Variants in GPR132 observed in about 807,000 individuals in gnomAD.
GPR132 encodes probable G protein-coupled receptor 132.
In GPR132, 4 loss-of-function variants were observed where a neutral mutation model predicts 1.9. The observed-to-expected ratio is 2.13, with a 90% CI of 1.05 to 4.87. The LOEUF is 4.87. GPR132 is among the 30% of genes most tolerant of loss of function. The pLI, the probability that GPR132 is intolerant of heterozygous loss-of-function variation, is 0.01. For synonymous variants in GPR132, 233 were observed against 234.2 expected, an observed-to-expected ratio of 0.99 and a Z score of 0.05; for missense variants, 404 against 512.5, an observed-to-expected ratio of 0.79 and a Z score of 2.04.
Position 105,049,776 on chromosome 14 carries a change from T to C in GPR132, c.*1218A>G, listed in dbSNP as rs1167908235. ...GCCCAGGCAACAGAGCAAGGCCCTG[T>C]CTCTAAAAAAATAAATATTAAAAAC... On this transcript the variant is annotated 3_prime_UTR_variant, in exon 4 of 4. Transcript: ENST00000329797. The C allele has an allele frequency of 6.6e-6, 1 of 152,104 alleles. No individual in the cohort carries two copies. The highest frequency in any genetic ancestry group is 1.5e-5 in the Non-Finnish European group (1 of 68,078). The allele number at this position is 152,104 out of a possible 1,614,324, so 9.4% of individuals were successfully genotyped here. A position where few individuals can be genotyped will look rare whatever the true frequency, so the allele number is the denominator to read the frequency against.
rs1342282899 is a variant in GPR132, at chr14:105,059,391, A to G, written c.-860-2111T>C. On this transcript the variant is annotated intron_variant, in intron 1 of 3. Coordinates refer to ENST00000329797, the MANE Select transcript of GPR132 (RefSeq NM_013345.4). This position sits in a 1 kb window ranked among gnomAD's most constrained non-coding sequence, Gnocchi z 4.2. ...GTTGACATCCCCAGCTGCCCTTTCA[A>G]GTATATTTCTGTGAAAGGAAAGTAT... 2.0e-5 allele frequency among the ~76,000 whole-genome samples: 3 copies of G among 152,172 alleles called. No individual in the cohort carries two copies. Among genetic ancestry groups the G allele is most frequent in the African/African-American group, 7.2e-5 (3 of 41,444 alleles).
chr14:105,052,614 AT>A (rs1033248752), intron 3 of GPR132, among the ~76,000 whole-genome samples: 3 of 151,080 alleles, frequency 2.0e-5, no homozygotes, highest in African/African-American at 4.9e-5. Context: ...GGCGTGAGCC[AT>A]TGTGTCTGGG....
In GPR132 at chr14:105,049,793, A is replaced by G. The variant is rs1486878079; in HGVS notation, c.*1201T>C. 6.6e-6 allele frequency: 1 copy of G among 152,390 alleles called. No homozygotes were observed. Among genetic ancestry groups the G allele is most frequent in the Admixed American group, 6.5e-5 (1 of 15,284 alleles). 9.4% of individuals were successfully genotyped at this position (152,390 alleles called of 1,614,324 possible). ...AGGCCCTGTCTCTAAAAAAATAAATATTAAAAACAAAAACAAAAACAAAAC... is the reference window on the plus strand; with the variant it reads ...AGGCCCTGTCTCTAAAAAAATAAATGTTAAAAACAAAAACAAAAACAAAAC... On this transcript the variant is annotated 3_prime_UTR_variant, in exon 4 of 4. Transcript: ENST00000329797.
In GPR132 at chr14:105,051,755, C is replaced by T. The variant is rs201663982; in HGVS notation, c.382G>A (p.Val128Ile). The T allele has an allele frequency of 2.3e-5, 37 of 1,614,138 alleles. 1 individual carries two copies. Among genetic ancestry groups the T allele is most frequent in the Admixed American group, 1.5e-4 (9 of 60,022 alleles). ...TAYIFFCNIY[V>I]SILFLCCISC... Reference sequence around the variant, plus strand: ...ATGCAGCACAGGAAGAGGATGCTGACGTAGATGTTGCAGAAGAAGATGTAG... The same window carrying T: ...ATGCAGCACAGGAAGAGGATGCTGATGTAGATGTTGCAGAAGAAGATGTAG... The change falls in exon 4 of 4, where the codon GTC becomes ATC. Residue 128 changes from valine (V) to isoleucine (I), a missense_variant. By Grantham distance (29) the Val-to-Ile change is conservative. Transcript: ENST00000329797. This position sits in a 1 kb window ranked among gnomAD's most constrained non-coding sequence, Gnocchi z 8.0.
intron 1 of GPR132, among the ~76,000 whole-genome samples, chr14:105,065,004 C>T (rs1401124148): frequency 6.6e-6 from 1 of 152,002 alleles, no homozygotes; most frequent in Non-Finnish European, 1.5e-5. Context: ...CGACCAATCA[C>T]GGAAGCAAGT....
rs915301110 is a variant in GPR132 at position 105,055,249 on chromosome 14, C to G, written c.34+138G>C. On this transcript the variant is annotated intron_variant, in intron 3 of 3. Transcript: ENST00000329797. This position sits in a 1 kb window ranked among gnomAD's most constrained non-coding sequence, Gnocchi z 4.7. ...GGCTGATGCAGGAGAATCCCTTGAA[C>G]CTGGGAGGCAGAAGCTGCAGTGAGC... The G allele has an allele frequency of 5.5e-6, 4 of 731,754 alleles. No homozygotes were observed. The highest frequency in any genetic ancestry group is 1.7e-5 in the African/African-American group (1 of 57,416). 45.3% of individuals were successfully genotyped at this position (731,754 alleles called of 1,614,324 possible).
In GPR132 at chr14:105,059,466, T is replaced by C. The variant is rs1886885085; in HGVS notation, c.-860-2186A>G. 6.6e-6 allele frequency among the ~76,000 whole-genome samples: 1 copy of C among 152,174 alleles called. No individual in the cohort carries two copies. The highest frequency in any genetic ancestry group is 1.5e-5 in the Non-Finnish European group (1 of 68,030). On this transcript the variant is annotated intron_variant, in intron 1 of 3. Transcript: ENST00000329797. This position sits in a 1 kb window ranked among gnomAD's most constrained non-coding sequence, Gnocchi z 4.2. ...TGCTCAGCGCCGATCTGCCTGGCGT[T>C]CTATTCAGTCATCCCTCTGCTCACT...
At chr14:105,065,056 T>C (rs1445968362) in intron 1 of GPR132, among the ~76,000 whole-genome samples, 1 of 151,712 alleles carries the variant, frequency 6.6e-6, no homozygotes, top group East Asian at 1.9e-4. Flanking sequence ...GCCCCCTGAC[T>C]CACCCCCATC....
intron 1 of GPR132, among the ~76,000 whole-genome samples, chr14:105,058,994 G>A (rs1427706883): frequency 2.0e-5 from 3 of 152,184 alleles, no homozygotes; most frequent in Non-Finnish European, 2.9e-5. Context: ...TGAGCCTGGC[G>A]GCTGCCTCAC....
Position 105,057,253 on chromosome 14 carries a change from G to T in GPR132, c.-833C>A. The T allele has an allele frequency of 1.0e-6, 1 of 991,818 alleles. No homozygotes were observed. The highest frequency in any genetic ancestry group is 1.5e-6 in the Non-Finnish European group (1 of 653,162). 61.4% of individuals were successfully genotyped at this position (991,818 alleles called of 1,614,324 possible). A position where few individuals can be genotyped will look rare whatever the true frequency, so the allele number is the denominator to read the frequency against. On this transcript the variant is annotated 5_prime_UTR_variant, in exon 2 of 4. Transcript: ENST00000329797. ...TCATGCGTCTTGTCGGTCCTATCAAGACGTTCACTCTGAGAGTTTAAAATG... is the reference window on the plus strand; with the variant it reads ...TCATGCGTCTTGTCGGTCCTATCAATACGTTCACTCTGAGAGTTTAAAATG...
chr14:105,060,808 C>T lies in GPR132; in HGVS notation c.-860-3528G>A, dbSNP rs1048406311. 2.6e-5 allele frequency among the ~76,000 whole-genome samples: 4 copies of T among 152,242 alleles called. No individual in the cohort carries two copies. Among genetic ancestry groups the T allele is most frequent in the African/African-American group, 7.2e-5 (3 of 41,462 alleles). ...GTCACGCCAATGCCAGCCGGCAACCCTGGGTCAGAGGGCTGCAAGCACTTC... is the reference window on the plus strand; with the variant it reads ...GTCACGCCAATGCCAGCCGGCAACCTTGGGTCAGAGGGCTGCAAGCACTTC... On this transcript the variant is annotated intron_variant, in intron 1 of 3. Coordinates refer to ENST00000329797, the MANE Select transcript of GPR132 (RefSeq NM_013345.4). The surrounding 1 kb of genome is among the most constrained non-coding windows in gnomAD (Gnocchi z 6.3).
chr14:105,057,573 T>G (rs1251730503), intron 1 of GPR132: 1 of 160,294 alleles, frequency 6.2e-6, no homozygotes, highest in East Asian at 1.8e-4. Flanking sequence ...CAGGCTGGAG[T>G]GCAGTAGCAC....
At chr14:105,064,123 G>A (rs1887021737) in intron 1 of GPR132, among the ~76,000 whole-genome samples, 2 of 151,762 alleles carry the variant, frequency 1.3e-5, no homozygotes, top group African/African-American at 2.4e-5. Context: ...ACAGGCGTAA[G>A]CCACCGCACC....
At chr14:105,054,431 TTTTTTTTTTTGAGA>T (rs1187936416) in intron 3 of GPR132, 20 of 980,402 alleles carry the variant, frequency 2.0e-5, no homozygotes, top group Non-Finnish European at 2.4e-5. Context: ...TTTTTTCTTT[TTTTTTTTTTTGAGA>T]CGTAGTCTCA....
At chr14:105,054,211 C>A in intron 3 of GPR132, 1 of 1,208,078 alleles carries the variant, frequency 8.3e-7, no homozygotes, top group Non-Finnish European at 1.1e-6. Context: ...GCCACAGCAG[C>A]CCCGGGCGGG....
At position 105,052,117 on chromosome 14, in the gene GPR132, C is replaced by A; in HGVS notation, c.35-15G>T. ...GGTGGCGTTTCCTGTGGGACAGAGA[C>A]AAGAGTGAGGACGGGAGTCCCTGGA... On this transcript the variant is annotated splice_polypyrimidine_tract_variant and intron_variant, in intron 3 of 3. Coordinates refer to ENST00000329797, the MANE Select transcript of GPR132 (RefSeq NM_013345.4). 1 of 1,541,252 alleles carries A rather than the reference C, an allele frequency of 6.5e-7. No individual in the cohort carries two copies. Among genetic ancestry groups the A allele is most frequent in the South Asian group, 1.2e-5 (1 of 82,464 alleles).
In GPR132 at chr14:105,059,853, C is replaced by T. The variant is rs983609032; in HGVS notation, c.-860-2573G>A. On this transcript the variant is annotated intron_variant, in intron 1 of 3. Transcript: ENST00000329797. The surrounding 1 kb of genome is among the most constrained non-coding windows in gnomAD (Gnocchi z 4.2). ...TAACAACTGGAAAAACAGGAAGCCA[C>T]AATGTTCTCCTGAGATTACAGGAAG... Among the ~76,000 whole-genome samples, 2 of 152,208 alleles carry T rather than the reference C, an allele frequency of 1.3e-5. No individual in the cohort carries two copies. Among genetic ancestry groups the T allele is most frequent in the African/African-American group, 4.8e-5 (2 of 41,450 alleles).
rs1270850776 is a variant in GPR132, at chr14:105,060,888, C to A, written c.-860-3608G>T. 1.3e-5 allele frequency among the ~76,000 whole-genome samples: 2 copies of A among 152,264 alleles called. No homozygotes were observed. Among genetic ancestry groups the A allele is most frequent in the East Asian group, 3.8e-4 (2 of 5,196 alleles). ...TGGAAATGCACGCTCCCCTCCCGGG[C>A]CCCAGCCGCAGGCAGAGGCTCACAG... On this transcript the variant is annotated intron_variant, in intron 1 of 3. Coordinates refer to ENST00000329797, the MANE Select transcript of GPR132 (RefSeq NM_013345.4). The surrounding 1 kb of genome is among the most constrained non-coding windows in gnomAD (Gnocchi z 6.3).
In GPR132 at chr14:105,059,968, T is replaced by A. The variant is rs1481243523; in HGVS notation, c.-860-2688A>T. Among the ~76,000 whole-genome samples, 2 of 152,196 alleles carry A rather than the reference T, an allele frequency of 1.3e-5. No individual in the cohort carries two copies. The highest frequency in any genetic ancestry group is 1.5e-5 in the Non-Finnish European group (1 of 68,036). On this transcript the variant is annotated intron_variant, in intron 1 of 3. Transcript: ENST00000329797. The surrounding 1 kb of genome is among the most constrained non-coding windows in gnomAD (Gnocchi z 4.2). ...GTCAAGAAAGAAACAAGAAAAGCCATCTCCAAAGTGATGCCCCCTTGGCGG... is the reference window on the plus strand; with the variant it reads ...GTCAAGAAAGAAACAAGAAAAGCCAACTCCAAAGTGATGCCCCCTTGGCGG...
Sources: gnomAD v4.1 joint callset for allele counts (sites outside exome capture counted in the v4.1 genomes callset) on GRCh38, gnomAD v4.1.1 for gene constraint, Gnocchi (gnomAD v3.1) non-coding constraint, MANE v1.5 for transcripts, NCBI Gene and HGNC (gene_info 2026-07-23, HGNC 2026-07-21) for gene names.